The following SPTBN1 variants were observed in gnomAD, a reference collection of about 807,000 sequenced individuals.
SPTBN1 encodes the protein spectrin beta chain, non-erythrocytic 1.
SPTBN1 carries 32 observed loss-of-function variants against 266.4 expected under a neutral mutation model. The observed-to-expected ratio is 0.12, with a 90% confidence interval of 0.09 to 0.16. The LOEUF is 0.16. Ranked by LOEUF, SPTBN1 falls within the 10% of genes least tolerant of loss-of-function variation. The pLI is 1.00. For synonymous variants in SPTBN1, 1,336 were observed against 1,162.2 expected, an observed-to-expected ratio of 1.15 and a Z score of -3.04; for missense variants, 2,296 against 3,067.1, an observed-to-expected ratio of 0.75 and a Z score of 5.94.
intron 1 of SPTBN1, among the ~76,000 whole-genome samples, chr2:54,486,612 AAACC>A (rs1411903833): frequency 6.6e-6 from 1 of 152,128 alleles, no homozygotes; most frequent in Non-Finnish European, 1.5e-5. Context: ...CTGCCTAGGA[AAACC>A]AGAGACCTTT....
rs146042204 is a variant in SPTBN1, at chr2:54,659,293, G to T, written c.6356+27G>T. 7.1e-4 allele frequency: 1,136 copies of T among 1,609,312 alleles called. 14 individuals are homozygous for T. In the African/African-American group the frequency reaches 0.014, roughly 19 times the overall value. ...TGAGTCCCAGCAGCTCCAGAGGCTG[G>T]ACCCTTAGCCTCGGTGGCCAATGAG... is the stretch of plus-strand genomic sequence containing the variant. On this transcript the variant is annotated intron_variant, in intron 31 of 35. Transcript: ENST00000356805.
At chr2:54,498,794 C>A (rs891499374) in intron 1 of SPTBN1, among the ~76,000 whole-genome samples, 2 of 152,024 alleles carry the variant, frequency 1.3e-5, no homozygotes, top group Non-Finnish European at 2.9e-5. Context: ...GTCTGGAGCC[C>A]GTACTTTATG....
chr2:54,459,978 G>A (rs2103782814), intron 1 of SPTBN1, among the ~76,000 whole-genome samples: 1 of 152,270 alleles, frequency 6.6e-6, no homozygotes, highest in South Asian at 2.1e-4. Flanking sequence ...AGTGGTTAAA[G>A]GAAATTACAC....
At chr2:54,480,165 T>G (rs560634453) in intron 1 of SPTBN1, among the ~76,000 whole-genome samples, 1 of 152,320 alleles carries the variant, frequency 6.6e-6, no homozygotes, top group South Asian at 2.1e-4. Context: ...TGCTGGGTAT[T>G]GGGACACTCA....
intron 1 of SPTBN1, among the ~76,000 whole-genome samples, chr2:54,489,169 A>C (rs1056254445): frequency 9.9e-5 from 15 of 150,906 alleles, no homozygotes; most frequent in Non-Finnish European, 1.2e-4. Context: ...AAAAAAAAAA[A>C]AAAAAACCAG....
Position 54,629,010 on chromosome 2 carries a change from C to T in SPTBN1, c.1876C>T (p.Leu626=), listed in dbSNP as rs1454025492. ...GTTCTGTTATCAAGAGCTTTGCCAG[C>T]TGGCGGCTGAGCGCAGGGCCCGTCT... ...MEFCYQELCQ[L]AAERRARLEE... The change falls in exon 14 of 36, where the codon CTG becomes TTG. Residue 626 remains leucine, a synonymous_variant. Transcript: ENST00000356805. The T allele has an allele frequency of 6.2e-7, 1 of 1,613,780 alleles. No homozygotes were observed. Among genetic ancestry groups the T allele is most frequent in the African/African-American group, 1.3e-5 (1 of 75,058 alleles).
chr2:54,599,814 A>G (rs146498393), intron 3 of SPTBN1, among the ~76,000 whole-genome samples: 10 of 152,344 alleles, frequency 6.6e-5, no homozygotes, highest in African/African-American at 2.4e-4. Flanking sequence ...TCAGCCTGCA[A>G]TGAAAATTGT....
chr2:54,522,697 G>GAGAGAGAGAGAGAGAGAGAAAGAA (rs1553439438), intron 1 of SPTBN1, among the ~76,000 whole-genome samples: 2 of 97,272 alleles, frequency 2.1e-5, no homozygotes, highest in Non-Finnish European at 4.1e-5. Context: ...GAGAGAGAGA[G>GAGAGAGAGAGAGAGAGAGAAAGAA]AGAAAGAAAG....
chr2:54,577,051 C>G (rs542536425), intron 2 of SPTBN1, among the ~76,000 whole-genome samples: 87 of 152,226 alleles, frequency 5.7e-4, no homozygotes, highest in Admixed American at 9.8e-4. Context: ...GGACATCATG[C>G]AAGTTTTTTT....
intron 2 of SPTBN1, among the ~76,000 whole-genome samples, chr2:54,579,849 A>G (rs1040136279): frequency 1.3e-5 from 2 of 152,234 alleles, no homozygotes; most frequent in East Asian, 3.8e-4. Context: ...TCTGAAAGCA[A>G]ATAGCCCACA....
At position 54,644,536 on chromosome 2, in the gene SPTBN1, G is replaced by A; in HGVS notation, c.4219G>A (p.Asp1407Asn). The A allele has an allele frequency of 6.2e-7, 1 of 1,613,950 alleles. No individual in the cohort carries two copies. The highest frequency in any genetic ancestry group is 8.5e-7 in the Non-Finnish European group (1 of 1,179,824). Reference protein sequence around the residue: ...HGLESQIQSDDYGKDLTSVNI... With the variant: ...HGLESQIQSDNYGKDLTSVNI... ...CCTGGAGAGTCAGATTCAGTCTGAT[G>A]ACTATGGCAAAGACCTGACCAGTGT... is the stretch of plus-strand genomic sequence containing the variant. The change falls in exon 20 of 36, where the codon GAC (aspartate) becomes AAC (asparagine). Residue 1407 changes from aspartate to asparagine, a missense_variant. Coordinates refer to ENST00000356805, the MANE Select transcript of SPTBN1 (RefSeq NM_003128.3).
At chr2:54,532,392 C>G (rs1189988292) in intron 2 of SPTBN1, among the ~76,000 whole-genome samples, 2 of 152,192 alleles carry the variant, frequency 1.3e-5, no homozygotes, top group Non-Finnish European at 2.9e-5. Context: ...TATTAACATG[C>G]AATCCTCATG....
intron 18 of SPTBN1, 142 bp downstream of exon 18, chr2:54,637,945 G>C: frequency 1.5e-6 from 1 of 652,700 alleles, no homozygotes; most frequent in South Asian, 2.0e-5. Context: ...GCAGGGATAC[G>C]TGGCACTTCA....
At chr2:54,518,263 T>C (rs1157856129) in intron 1 of SPTBN1, among the ~76,000 whole-genome samples, 3 of 151,760 alleles carry the variant, frequency 2.0e-5, no homozygotes, top group Non-Finnish European at 2.9e-5. Context: ...GTGAGAACAC[T>C]TGGACACAGG....
At chr2:54,591,422 G>A (rs1675673459) in intron 2 of SPTBN1, among the ~76,000 whole-genome samples, 1 of 152,182 alleles carries the variant, frequency 6.6e-6, no homozygotes, top group Non-Finnish European at 1.5e-5. Context: ...CTACATGATT[G>A]CTGTCTCTTA....
At position 54,664,751 on chromosome 2, in the gene SPTBN1, G is replaced by A. The variant is rs1025048531; in HGVS notation, c.6659+60G>A. ...AAGTCAGCCTGTGAAGGGATAAGGC[G>A]GGCCACTCTTGAATTGGAAGAGAAG... On this transcript the variant is annotated intron_variant, in intron 33 of 35. Coordinates refer to ENST00000356805, the MANE Select transcript of SPTBN1 (RefSeq NM_003128.3). The surrounding 1 kb of genome is among the most constrained non-coding windows in gnomAD (Gnocchi z 5.6). 1.7e-5 allele frequency: 26 copies of A among 1,538,186 alleles called. 1 individual carries two copies. The highest frequency in any genetic ancestry group is 1.1e-4 in the South Asian group (10 of 87,692).
chr2:54,660,376 A>C (rs1355690210), intron 32 of SPTBN1: 9 of 1,154,674 alleles, frequency 7.8e-6, no homozygotes, highest in Admixed American at 4.3e-5. Flanking sequence ...AGATTACAGC[A>C]TAATGAAGAA....
At chr2:54,552,519 C>T (rs1312648797) in intron 2 of SPTBN1, among the ~76,000 whole-genome samples, 4 of 150,432 alleles carry the variant, frequency 2.7e-5, no homozygotes, top group African/African-American at 7.4e-5. Context: ...TGCAGTGGCG[C>T]GATCTCAGCT....
At chr2:54,647,079 G>C in intron 23 of SPTBN1, 52 bp from the exon 24 acceptor site, 1 of 1,613,000 alleles carries the variant, frequency 6.2e-7, no homozygotes, top group Non-Finnish European at 8.5e-7. Flanking sequence ...ACTCCTTAAG[G>C]GGTAGGGCCA....
Sources: gnomAD v4.1 joint callset for allele counts (sites outside exome capture counted in the v4.1 genomes callset) on GRCh38, gnomAD v4.1.1 for gene constraint, Gnocchi (gnomAD v3.1) non-coding constraint, MANE v1.5 for transcripts, NCBI Gene and HGNC (gene_info 2026-07-23, HGNC 2026-07-21) for gene names.